The following TAFA1 variants were observed in gnomAD, a reference collection of about 807,000 sequenced individuals.
TAFA1 encodes TAFA chemokine like family member 1.
A neutral mutation model predicts 18.5 loss-of-function variants in TAFA1; 4 were observed. The ratio of observed to expected loss-of-function variants is 0.22; its 90% CI spans 0.11 to 0.49. The LOEUF is 0.49. TAFA1 is among the 20% of genes least tolerant of loss of function. The pLI, the probability that TAFA1 is intolerant of heterozygous loss-of-function variation, is 0.98. For synonymous variants in TAFA1, 56 were observed against 55.2 expected (o/e 1.01, Z -0.06); for missense variants, 147 against 169.0 (o/e 0.87, Z 0.72).
intron 3 of TAFA1, among the ~76,000 whole-genome samples, chr3:68,517,066 G>A (rs1201038121): frequency 1.3e-5 from 2 of 152,198 alleles, no homozygotes; most frequent in Non-Finnish European, 1.5e-5. Flanking sequence ...GAGCCACCGC[G>A]CCTGGCCAAT....
At chr3:68,336,879 A>G (rs1360960347) in intron 2 of TAFA1, among the ~76,000 whole-genome samples, 1 of 152,098 alleles carries the variant, frequency 6.6e-6, no homozygotes, top group East Asian at 1.9e-4. Context: ...ATGCACTACC[A>G]TGCCTAGCTA....
At chr3:68,120,941 G>A (rs1458238796) in intron 2 of TAFA1, among the ~76,000 whole-genome samples, 1 of 152,156 alleles carries the variant, frequency 6.6e-6, no homozygotes, top group Non-Finnish European at 1.5e-5. Context: ...ACCTGAGGAG[G>A]CTAATTAAAG....
chr3:68,525,206 T>C (rs2073091198), intron 3 of TAFA1, among the ~76,000 whole-genome samples: 1 of 152,174 alleles, frequency 6.6e-6, no homozygotes, highest in African/African-American at 2.4e-5. Flanking sequence ...ACGAACAAAA[T>C]GAATTTCGAA....
intron 2 of TAFA1, among the ~76,000 whole-genome samples, chr3:68,325,679 G>A (rs2068765399): frequency 6.6e-6 from 1 of 152,048 alleles, no homozygotes; most frequent in Admixed American, 6.6e-5. Flanking sequence ...TCCCCTCTAG[G>A]AGCTGAAATG....
chr3:68,007,751 C>G (rs146722926), intron 2 of TAFA1, among the ~76,000 whole-genome samples: 2 of 152,148 alleles, frequency 1.3e-5, no homozygotes, highest in Non-Finnish European at 2.9e-5. Flanking sequence ...GCCTCCTCCC[C>G]CCATCCGTCG....
chr3:68,039,963 C>G (rs1181136066), intron 2 of TAFA1, among the ~76,000 whole-genome samples: 1 of 152,098 alleles, frequency 6.6e-6, no homozygotes, highest in African/African-American at 2.4e-5. Context: ...TTCTGATCTG[C>G]CCTGTGGGTG....
intron 2 of TAFA1, among the ~76,000 whole-genome samples, chr3:68,143,739 C>A (rs916351342): frequency 6.6e-6 from 1 of 152,118 alleles, no homozygotes; most frequent in Non-Finnish European, 1.5e-5. Context: ...AGTTGTTTTA[C>A]AGCTTCCCTA....
intron 3 of TAFA1, among the ~76,000 whole-genome samples, chr3:68,492,038 A>G (rs2072463671): frequency 6.6e-6 from 1 of 152,198 alleles, no homozygotes; most frequent in Non-Finnish European, 1.5e-5. Flanking sequence ...TTATTTCCTT[A>G]GTCTACGTAC....
chr3:68,268,263 A>G (rs1427744751), intron 2 of TAFA1, among the ~76,000 whole-genome samples: 1 of 152,140 alleles, frequency 6.6e-6, no homozygotes, highest in East Asian at 1.9e-4. Context: ...TTCAGGATAT[A>G]AGAAAATAAG....
intron 2 of TAFA1, among the ~76,000 whole-genome samples, chr3:68,365,386 T>G (rs534943082): frequency 1.3e-5 from 2 of 152,170 alleles, no homozygotes; most frequent in African/African-American, 4.8e-5. Flanking sequence ...AAGTTACATG[T>G]GACTTCTAAT....
intron 2 of TAFA1, among the ~76,000 whole-genome samples, chr3:68,178,197 G>T (rs2066150289): frequency 6.6e-6 from 1 of 151,990 alleles, no homozygotes; most frequent in African/African-American, 2.4e-5. Flanking sequence ...CTGGTATATG[G>T]TAACTATTTA....
intron 3 of TAFA1, among the ~76,000 whole-genome samples, chr3:68,482,492 A>G (rs2072255991): frequency 1.3e-5 from 2 of 152,214 alleles, no homozygotes; most frequent in African/African-American, 4.8e-5. Flanking sequence ...GAAATCACCT[A>G]GAAAAGTAAC....
intron 3 of TAFA1, among the ~76,000 whole-genome samples, chr3:68,426,234 A>C (rs1034767525): frequency 3.9e-5 from 6 of 151,932 alleles, no homozygotes; most frequent in Non-Finnish European, 7.4e-5. Flanking sequence ...GTATAAACCT[A>C]ACAAAGAAAG....
intron 2 of TAFA1, among the ~76,000 whole-genome samples, chr3:68,380,599 C>T (rs994645843): frequency 4.1e-4 from 62 of 152,204 alleles, no homozygotes; most frequent in Middle Eastern, 6.8e-3. Flanking sequence ...ATCCTTCGCC[C>T]ACTTTTTGAT....
intron 2 of TAFA1, among the ~76,000 whole-genome samples, chr3:68,363,682 G>A (rs2069515489): frequency 1.3e-5 from 2 of 152,078 alleles, no homozygotes; most frequent in Non-Finnish European, 2.9e-5. Context: ...CATCCTGCCT[G>A]ATTTTCTTTA....
chr3:68,028,102 C>G (rs1272395594), intron 2 of TAFA1, among the ~76,000 whole-genome samples: 1 of 152,082 alleles, frequency 6.6e-6, no homozygotes, highest in African/African-American at 2.4e-5. Flanking sequence ...GAGTTCAAGA[C>G]CAGCCTGGCC....
At chr3:68,271,842 A>T (rs1575734692) in intron 2 of TAFA1, among the ~76,000 whole-genome samples, 1 of 127,498 alleles carries the variant, frequency 7.8e-6, no homozygotes, top group African/African-American at 3.2e-5. Flanking sequence ...TCTCTCACAC[A>T]CACACACACA....
chr3:68,213,996 G>T (rs1026628627), intron 2 of TAFA1, among the ~76,000 whole-genome samples: 2 of 152,040 alleles, frequency 1.3e-5, no homozygotes, highest in African/African-American at 2.4e-5. Flanking sequence ...AGGCAATATG[G>T]TTCCCAATAT....
chr3:68,352,643 A>G (rs1401262586), intron 2 of TAFA1, among the ~76,000 whole-genome samples: 2 of 152,066 alleles, frequency 1.3e-5, no homozygotes, highest in African/African-American at 2.4e-5. Flanking sequence ...CTTTAGCTCA[A>G]TAATATTTAT....
Sources: allele counts gnomAD v4.1 joint callset (sites outside exome capture counted in the v4.1 genomes callset), GRCh38; gene constraint gnomAD v4.1.1; transcripts MANE v1.5; gene names NCBI Gene and HGNC (gene_info 2026-07-23, HGNC 2026-07-21).